SASH1: variants seen among roughly 807,000 people sequenced by gnomAD.
SASH1 encodes the protein SAM and SH3 domain containing 1, also known as SAM and SH3 domain-containing protein 1.
A neutral mutation model predicts 125.2 loss-of-function variants in SASH1; 44 were observed. The ratio of observed to expected loss-of-function variants is 0.35; its 90% CI spans 0.28 to 0.45. The LOEUF (loss-of-function observed/expected upper bound fraction) is 0.45. Among genes scored for constraint, SASH1 ranks in the 20% least tolerant of loss-of-function variants. SASH1 has a pLI of 1.00. For synonymous variants in SASH1, 639 were observed against 649.1 expected (o/e 0.98, Z 0.24); for missense variants, 1,426 against 1,614.5 (o/e 0.88, Z 2.00).
At chr6:148,481,667 C>T (rs547767429) in intron 7 of SASH1, among the ~76,000 whole-genome samples, 1 of 152,128 alleles carries the variant, frequency 6.6e-6, no homozygotes, top group African/African-American at 2.4e-5. Flanking sequence ...TCAGTGGAGC[C>T]GTCAGAACAC....
chr6:148,368,333 C>T (rs1478982670), intron 1 of SASH1, among the ~76,000 whole-genome samples: 11 of 152,124 alleles, frequency 7.2e-5, no homozygotes, highest in African/African-American at 2.7e-4. Context: ...TGCAGTGGCA[C>T]GATCTCGACT....
At chr6:148,449,078 C>CTTTTT in intron 4 of SASH1, among the ~76,000 whole-genome samples, 1,061 of 88,648 alleles carry the variant, frequency 0.012, 95 homozygotes, top group African/African-American at 0.034. Context: ...CATTTCATTT[C>CTTTTT]TTTTTTTTTT....
At chr6:148,281,644 C>T (rs960238169) in intron 1 of SASH1, among the ~76,000 whole-genome samples, 7 of 152,036 alleles carry the variant, frequency 4.6e-5, no homozygotes, top group East Asian at 3.9e-4. Flanking sequence ...AATTCCAGGC[C>T]GGGCGCGGTG....
chr6:148,473,450 C>A (rs942165560), intron 6 of SASH1, among the ~76,000 whole-genome samples: 10 of 152,130 alleles, frequency 6.6e-5, no homozygotes, highest in African/African-American at 2.4e-4. Flanking sequence ...GATGGGGTTT[C>A]ACCTTGTTGG....
At chr6:148,218,014 C>CAAA in the SASH1 span, among the ~76,000 whole-genome samples, 2 of 138,158 alleles carry the variant, frequency 1.4e-5, no homozygotes, top group African/African-American at 2.7e-5. Context: ...GACTCTGTCT[C>CAAA]AAAAAAAAAA....
upstream of SASH1, among the ~76,000 whole-genome samples, chr6:148,269,015 C>A (rs1013130447): frequency 5.3e-5 from 8 of 152,198 alleles, no homozygotes; most frequent in Non-Finnish European, 1.0e-4. Flanking sequence ...TCACCATGCC[C>A]ATTTCTTAGT....
chr6:148,297,648 T>C (rs928244630), intron 1 of SASH1, among the ~76,000 whole-genome samples: 4 of 152,060 alleles, frequency 2.6e-5, no homozygotes, highest in Admixed American at 2.0e-4. Flanking sequence ...GGCAACACGA[T>C]GAAACACTGT....
intron 6 of SASH1, among the ~76,000 whole-genome samples, chr6:148,473,086 C>T (rs1778187961): frequency 6.6e-6 from 1 of 152,180 alleles, no homozygotes; most frequent in African/African-American, 2.4e-5. Flanking sequence ...ACATTCTCTT[C>T]TCTGAGGTTC....
chr6:148,406,417 A>G (rs913123573), intron 2 of SASH1, among the ~76,000 whole-genome samples: 6 of 152,254 alleles, frequency 3.9e-5, no homozygotes, highest in Non-Finnish European at 8.8e-5. Context: ...TATGTGAAAT[A>G]GTGTTACAGT....
chr6:148,244,014 A>G, the SASH1 span, among the ~76,000 whole-genome samples: 1 of 152,302 alleles, frequency 6.6e-6, no homozygotes, highest in African/African-American at 2.4e-5. Flanking sequence ...GTTGGCAACC[A>G]CTGATGAGAT....
intron 2 of SASH1, among the ~76,000 whole-genome samples, chr6:148,413,915 A>G (rs1007993841): frequency 1.3e-5 from 2 of 151,998 alleles, no homozygotes; most frequent in Non-Finnish European, 2.9e-5. Flanking sequence ...AAAAGAATAA[A>G]TATATGGGGA....
At chr6:148,330,778 G>T (rs1158456745) in intron 1 of SASH1, among the ~76,000 whole-genome samples, 1 of 152,080 alleles carries the variant, frequency 6.6e-6, no homozygotes, top group Non-Finnish European at 1.5e-5. Context: ...CAGAGATGGG[G>T]TTTCGCCATG....
At chr6:148,202,114 A>T in the SASH1 span, among the ~76,000 whole-genome samples, 7 of 152,074 alleles carry the variant, frequency 4.6e-5, no homozygotes, top group African/African-American at 1.7e-4. Context: ...AGCAATAGGC[A>T]AATGCTGGAT....
chr6:148,430,069 C>G (rs1408248656), intron 2 of SASH1, among the ~76,000 whole-genome samples: 1 of 152,148 alleles, frequency 6.6e-6, no homozygotes, highest in Non-Finnish European at 1.5e-5. Context: ...TCATTTAAGG[C>G]CCAAGTGGGC....
At chr6:148,396,335 A>G (rs1783944908) in intron 2 of SASH1, among the ~76,000 whole-genome samples, 1 of 151,848 alleles carries the variant, frequency 6.6e-6, no homozygotes, top group East Asian at 1.9e-4. Context: ...AAAATTAGCC[A>G]GGTGTGGTGG....
At chr6:148,447,487 C>G (rs1055839816) in intron 4 of SASH1, among the ~76,000 whole-genome samples, 1 of 152,172 alleles carries the variant, frequency 6.6e-6, no homozygotes, top group Admixed American at 6.5e-5. Flanking sequence ...TGTCTTCACC[C>G]TCTTTCCTCT....
Position 148,544,680 on chromosome 6 carries a change from C to G in SASH1, c.3210C>G (p.Leu1070=). 1 of 1,613,234 alleles carries G rather than the reference C, an allele frequency of 6.2e-7. No homozygotes were observed. Among genetic ancestry groups the G allele is most frequent in the East Asian group, 2.2e-5 (1 of 44,848 alleles). The change falls in exon 18 of 20, where the codon CTC becomes CTG. Residue 1070 remains leucine (L), a synonymous_variant. Transcript: ENST00000367467. The surrounding 1 kb of genome is among the most constrained non-coding windows in gnomAD (Gnocchi z 6.4). ...WLSELPENTS[L]QEHGVKLGPA... ...CAGAGCTCCCCGAGAACACAAGCCT[C>G]CAGGAGCACGGTGTGAAGCTGGGCC...
chr6:148,476,914 A>G (rs890098013), intron 7 of SASH1, among the ~76,000 whole-genome samples: 1 of 152,224 alleles, frequency 6.6e-6, no homozygotes. Flanking sequence ...AAACCCGTGC[A>G]TCTGCAGTGA....
intron 8 of SASH1, chr6:148,512,420 G>A: frequency 1.0e-6 from 1 of 965,840 alleles, no homozygotes; most frequent in Non-Finnish European, 1.2e-6. Flanking sequence ...TACATCAAGA[G>A]AGCAGAATGT....
Sources: allele counts gnomAD v4.1 joint callset (sites outside exome capture counted in the v4.1 genomes callset), GRCh38; gene constraint gnomAD v4.1.1; non-coding constraint Gnocchi (gnomAD v3.1); transcripts MANE v1.5; gene names NCBI Gene and HGNC (gene_info 2026-07-23, HGNC 2026-07-21).